Variants in CERS6 observed in about 807,000 individuals in gnomAD.
CERS6 encodes the protein ceramide synthase 6.
Under a neutral mutation model 56.8 loss-of-function variants are expected in CERS6, and 26 were observed. The observed-to-expected ratio is 0.46, with a 90% CI of 0.34 to 0.63. CERS6 has a LOEUF of 0.63. Ranked by LOEUF, CERS6 falls within the 30% of genes least tolerant of loss-of-function variation. CERS6 has a pLI of 0.01. For synonymous variants in CERS6, 164 were observed against 173.3 expected (o/e 0.95, Z 0.42); for missense variants, 415 against 467.5 (o/e 0.89, Z 1.04).
chr2:168,743,968 G>A (rs1434737158), intron 8 of CERS6, among the ~76,000 whole-genome samples: 1 of 65,374 alleles, frequency 1.5e-5, no homozygotes, highest in African/African-American at 6.2e-5. Context: ...GAATTGTATT[G>A]TTACTGTTTT....
intron 4 of CERS6, among the ~76,000 whole-genome samples, chr2:168,656,115 A>G (rs1407057481): frequency 6.6e-6 from 1 of 152,152 alleles, no homozygotes; most frequent in Non-Finnish European, 1.5e-5. Context: ...AATAGGTCCT[A>G]GAGGGTTAGG....
At chr2:168,522,228 T>C (rs1450662115) in intron 1 of CERS6, among the ~76,000 whole-genome samples, 1 of 152,134 alleles carries the variant, frequency 6.6e-6, no homozygotes, top group Non-Finnish European at 1.5e-5. Flanking sequence ...ATCTGTGTAG[T>C]AGGCACAGGT....
At chr2:168,540,154 G>GTT (rs111622153) in intron 1 of CERS6, among the ~76,000 whole-genome samples, 104 of 145,282 alleles carry the variant, frequency 7.2e-4, no homozygotes, top group African/African-American at 2.2e-3. Flanking sequence ...TTGGCTGACA[G>GTT]TTTTTTTTTT....
chr2:168,592,480 G>A (rs1683695851), intron 3 of CERS6, among the ~76,000 whole-genome samples: 1 of 152,138 alleles, frequency 6.6e-6, no homozygotes. Flanking sequence ...AGGGTTTTGA[G>A]CAGGAAGGGT....
intron 4 of CERS6, among the ~76,000 whole-genome samples, chr2:168,688,520 G>A (rs1204607389): frequency 6.6e-6 from 1 of 151,962 alleles, no homozygotes; most frequent in Non-Finnish European, 1.5e-5. Flanking sequence ...CATGGACTTC[G>A]GTTTTCTTAT....
chr2:168,570,363 G>C (rs1309499175), intron 3 of CERS6, among the ~76,000 whole-genome samples: 1 of 152,218 alleles, frequency 6.6e-6, no homozygotes, highest in Admixed American at 6.5e-5. Flanking sequence ...GATGCCCACT[G>C]TGCCTCCAGA....
intron 8 of CERS6, among the ~76,000 whole-genome samples, chr2:168,753,365 G>A (rs1040195432): frequency 1.3e-5 from 2 of 152,180 alleles, no homozygotes; most frequent in Non-Finnish European, 2.9e-5. Flanking sequence ...TGTTTGTCTT[G>A]ATCAGTTATT....
intron 6 of CERS6, among the ~76,000 whole-genome samples, chr2:168,706,884 G>A (rs1419852175): frequency 6.6e-6 from 1 of 152,154 alleles, no homozygotes; most frequent in Non-Finnish European, 1.5e-5. Context: ...TAATTTTTGG[G>A]GACGTGTAAT....
chr2:168,675,320 C>T (rs183886315), intron 4 of CERS6, among the ~76,000 whole-genome samples: 13 of 152,190 alleles, frequency 8.5e-5, no homozygotes, highest in Admixed American at 4.6e-4. Context: ...CATAGTGACT[C>T]ATGCCTGTAA....
intron 4 of CERS6, among the ~76,000 whole-genome samples, chr2:168,640,522 A>G (rs922681042): frequency 6.6e-6 from 1 of 152,232 alleles, no homozygotes; most frequent in Non-Finnish European, 1.5e-5. Flanking sequence ...AGTCTGAGAC[A>G]CTAACCTTGT....
rs954970988 is a variant in CERS6 at position 168,611,481 on chromosome 2, G to T, written c.408-19504G>T. Among the ~76,000 whole-genome samples the T allele has an allele frequency of 5.9e-5, 9 of 152,206 alleles. No homozygotes were observed. The East Asian group carries it at 1.7e-3, about 29-fold the overall frequency. ...GAAGGTTAGATTATTTAATTTTGTG[G>T]CTATAAAATACCAGAATACAAAAAG... is the stretch of plus-strand genomic sequence containing the variant. On this transcript the variant is annotated intron_variant, in intron 3 of 9. Transcript: ENST00000305747.
intron 3 of CERS6, among the ~76,000 whole-genome samples, chr2:168,566,270 C>T (rs890266698): frequency 5.3e-5 from 8 of 152,140 alleles, no homozygotes; most frequent in Admixed American, 4.6e-4. Flanking sequence ...GGAGCTTACT[C>T]CCTATGCTGC....
chr2:168,583,331 G>A (rs1443496011), intron 3 of CERS6, among the ~76,000 whole-genome samples: 36 of 152,134 alleles, frequency 2.4e-4, no homozygotes, highest in Admixed American at 2.4e-3. Context: ...TGGGAAATGA[G>A]CTAAGAAAAG....
intron 3 of CERS6, among the ~76,000 whole-genome samples, chr2:168,619,373 A>G (rs1684405793): frequency 6.6e-6 from 1 of 152,202 alleles, no homozygotes; most frequent in African/African-American, 2.4e-5. Flanking sequence ...TAATTAAACT[A>G]AAGAACTTTT....
chr2:168,503,242 T>A (rs1013305473), intron 1 of CERS6, among the ~76,000 whole-genome samples: 1 of 152,180 alleles, frequency 6.6e-6, no homozygotes, highest in Non-Finnish European at 1.5e-5. Flanking sequence ...TGTGGAACTG[T>A]GAGTCAATTA....
chr2:168,468,311 A>G (rs1459815979), intron 1 of CERS6, among the ~76,000 whole-genome samples: 3 of 152,120 alleles, frequency 2.0e-5, no homozygotes, highest in Admixed American at 2.0e-4. Flanking sequence ...GTCTAGCCCC[A>G]GTGATAGTTG....
At chr2:168,524,166 T>C (rs940576362) in intron 1 of CERS6, among the ~76,000 whole-genome samples, 2 of 152,338 alleles carry the variant, frequency 1.3e-5, no homozygotes, top group Non-Finnish European at 2.9e-5. Context: ...TAGTGTGTTT[T>C]ATGCAAAAGG....
intron 1 of CERS6, among the ~76,000 whole-genome samples, chr2:168,526,298 C>T (rs1695070098): frequency 6.6e-6 from 1 of 152,140 alleles, no homozygotes; most frequent in East Asian, 1.9e-4. Context: ...TTGAGCTTCT[C>T]TTTGATTTTA....
At chr2:168,767,959 C>T (rs1393314840) in intron 9 of CERS6, among the ~76,000 whole-genome samples, 1 of 152,182 alleles carries the variant, frequency 6.6e-6, no homozygotes, top group Non-Finnish European at 1.5e-5. Context: ...TGATGAGTTA[C>T]TCAAGAATCT....
Sources: allele counts gnomAD v4.1 joint callset (sites outside exome capture counted in the v4.1 genomes callset), GRCh38; gene constraint gnomAD v4.1.1; transcripts MANE v1.5; gene names NCBI Gene and HGNC (gene_info 2026-07-23, HGNC 2026-07-21).